The following AKR1C2 variants were observed in gnomAD, a reference collection of about 807,000 sequenced individuals.
AKR1C2 encodes the protein 3-alpha-HSD3.
In AKR1C2, 27 loss-of-function variants were observed where a neutral mutation model predicts 39.8. The ratio of observed to expected loss-of-function variants is 0.68; its 90% CI spans 0.50 to 0.93. The LOEUF (loss-of-function observed/expected upper bound fraction) is 0.93. Ranked by LOEUF, AKR1C2 falls within the 40% of genes least tolerant of loss-of-function variation. AKR1C2 has a pLI of 0.00. For missense variants in AKR1C2, 263 were observed against 365.1 expected, an observed-to-expected ratio of 0.72 and a Z score of 2.28; for synonymous variants, 114 against 137.9, an observed-to-expected ratio of 0.83 and a Z score of 1.22.
chr10:5,013,051 T>C (rs1425021502), intron 1 of AKR1C2, among the ~76,000 whole-genome samples: 1 of 152,156 alleles, frequency 6.6e-6, no homozygotes, highest in African/African-American at 2.4e-5. Context: ...TTTATCAAAA[T>C]TGGGACAAGG....
upstream of AKR1C2, among the ~76,000 whole-genome samples, chr10:5,007,221 A>G (rs1480678227): frequency 7.0e-6 from 1 of 143,676 alleles, no homozygotes; most frequent in Non-Finnish European, 1.5e-5. Context: ...GTGAAGTCAT[A>G]TAGAGGTATA....
chr10:4,999,878 G>A (rs1426526600), intron 3 of AKR1C2: 1 of 870,524 alleles, frequency 1.1e-6, no homozygotes, highest in Non-Finnish European at 1.4e-6. Context: ...GATAAGGGTG[G>A]AGAAAGGATA....
In AKR1C2 at chr10:5,001,632, C is replaced by T. The variant is rs782795752; in HGVS notation, c.134G>A (p.Gly45Glu). ...ATGTGCAGAATCAATATGGTGGAAC[C>T]CGGCTTCTATTGCCAATTTGACGGC... ...LEAVKLAIEA[G>E]FHHIDSAHVY... Residue 45 changes from glycine to glutamate, a missense_variant, in exon 2 of 9, where the codon GGG (glycine) becomes GAG (glutamate). Physicochemically the swap from Gly to Glu is moderately conservative, Grantham distance 98 (BLOSUM62 -2). Transcript: ENST00000380753. 1 of 1,613,918 alleles carries T rather than the reference C, an allele frequency of 6.2e-7. No individual in the cohort carries two copies. The highest frequency in any genetic ancestry group is 8.5e-7 in the Non-Finnish European group (1 of 1,179,858).
intron 1 of AKR1C2, among the ~76,000 whole-genome samples, chr10:5,011,853 T>G (rs1291871043): frequency 6.6e-6 from 1 of 152,206 alleles, no homozygotes; most frequent in Admixed American, 6.5e-5. Flanking sequence ...AGAGGCTTCA[T>G]TAGTATGAAG....
At chr10:5,017,197 T>C (rs2131735851) in intron 1 of AKR1C2, among the ~76,000 whole-genome samples, 1 of 152,390 alleles carries the variant, frequency 6.6e-6, no homozygotes, top group South Asian at 2.1e-4. Context: ...CATGCAAATT[T>C]CTGCAACCAC....
intron 1 of AKR1C2, among the ~76,000 whole-genome samples, chr10:5,011,623 G>A (rs1174332610): frequency 6.6e-6 from 1 of 152,110 alleles, no homozygotes; most frequent in South Asian, 2.1e-4. Flanking sequence ...ATAGGTACAA[G>A]GACAAGAGAC....
At chr10:5,004,883 T>C (rs1473301159), upstream of AKR1C2, 1 of 143,338 alleles carries the variant, frequency 7.0e-6, no homozygotes, top group Non-Finnish European at 1.5e-5. Flanking sequence ...AGGTAAATTG[T>C]TATCATTGAC....
intron 2 of AKR1C2, 61 bp downstream of exon 2, chr10:5,001,452 CT>C: frequency 6.4e-7 from 1 of 1,561,214 alleles, no homozygotes; most frequent in Non-Finnish European, 8.6e-7. Context: ...AGTCATAGAA[CT>C]GCCACCTCCA....
At chr10:5,011,360 TA>T (rs1247134546) in intron 1 of AKR1C2, among the ~76,000 whole-genome samples, 1 of 152,166 alleles carries the variant, frequency 6.6e-6, no homozygotes, top group Non-Finnish European at 1.5e-5. Context: ...ATAGCTACAC[TA>T]AAAGCCCAGA....
At chr10:5,009,903 C>G (rs1837484994) in intron 1 of AKR1C2, among the ~76,000 whole-genome samples, 1 of 144,534 alleles carries the variant, frequency 6.9e-6, no homozygotes, top group Admixed American at 7.0e-5. Context: ...CAGCCTGACT[C>G]CAAGGAAAGA....
chr10:5,000,466 A>G, intron 3 of AKR1C2, 84 bp downstream of exon 3: 1 of 1,611,912 alleles, frequency 6.2e-7, no homozygotes, highest in Non-Finnish European at 8.5e-7. Context: ...TCCTCCTAAG[A>G]AAAAGCTTAG....
intron 8 of AKR1C2, 88 bp from the exon 9 acceptor site, chr10:4,990,126 A>G: frequency 6.6e-7 from 1 of 1,509,622 alleles, no homozygotes; most frequent in Non-Finnish European, 9.1e-7. Context: ...AGCTGCCGCT[A>G]GTGTAGATGT....
chr10:5,009,926 T>C (rs569685202), intron 1 of AKR1C2, among the ~76,000 whole-genome samples: 10,923 of 141,906 alleles, frequency 0.077, 590 homozygotes, highest in Non-Finnish European at 0.12. Flanking sequence ...ACCTTCCTAC[T>C]CATTCCCCCA....
At chr10:5,005,672 A>G (rs192452253), upstream of AKR1C2, among the ~76,000 whole-genome samples, 1 of 152,108 alleles carries the variant, frequency 6.6e-6, no homozygotes, top group East Asian at 1.9e-4. Context: ...ACAGAGCAAG[A>G]CTCCAGCTCA....
upstream of AKR1C2, among the ~76,000 whole-genome samples, chr10:5,004,191 T>C (rs539119972): frequency 1.3e-5 from 2 of 152,358 alleles, no homozygotes; most frequent in Admixed American, 1.3e-4. Flanking sequence ...CAGCTCTTTT[T>C]TGTGTGTGCC....
chr10:5,010,195 A>G (rs1413493619), intron 1 of AKR1C2: 1 of 149,772 alleles, frequency 6.7e-6, no homozygotes, highest in East Asian at 2.0e-4. Flanking sequence ...ACTAGACACT[A>G]CCATGGAGCC....
intron 8 of AKR1C2, among the ~76,000 whole-genome samples, chr10:4,991,458 C>G (rs1270330718): frequency 6.6e-6 from 1 of 152,080 alleles, no homozygotes; most frequent in Non-Finnish European, 1.5e-5. Flanking sequence ...TTGGGAAGAA[C>G]AAGATAGAAG....
At chr10:4,999,360 C>G in intron 3 of AKR1C2, 83 bp from the exon 4 acceptor site, 1 of 1,603,038 alleles carries the variant, frequency 6.2e-7, no homozygotes, top group Non-Finnish European at 8.5e-7. Flanking sequence ...TTTAAGGACA[C>G]TAATCCTCCA....
intron 7 of AKR1C2, among the ~76,000 whole-genome samples, chr10:4,994,139 T>C (rs1836940718): frequency 6.7e-6 from 1 of 148,514 alleles, no homozygotes. Context: ...ATAGGTTTTA[T>C]AATATATATC....
Sources: gnomAD v4.1 joint callset for allele counts (sites outside exome capture counted in the v4.1 genomes callset) on GRCh38, gnomAD v4.1.1 for gene constraint, MANE v1.5 for transcripts, NCBI Gene and HGNC (gene_info 2026-07-23, HGNC 2026-07-21) for gene names.